The following DSCAM variants were observed in gnomAD, a reference collection of about 807,000 sequenced individuals.
DSCAM encodes the protein DS cell adhesion molecule.
DSCAM carries 47 observed loss-of-function variants against 217.7 expected under a neutral mutation model. That is an observed-to-expected ratio of 0.22 (90% CI 0.17 to 0.28). The LOEUF (loss-of-function observed/expected upper bound fraction) is 0.28, where lower values mean the gene tolerates loss of function less well. Among genes scored for constraint, DSCAM ranks in the 10% least tolerant of loss-of-function variants. The pLI, the probability that DSCAM is intolerant of heterozygous loss-of-function variation, is 1.00. For synonymous variants in DSCAM, 1,056 were observed against 1,015.3 expected (o/e 1.04, Z -0.76); for missense variants, 2,080 against 2,618.3 (o/e 0.79, Z 4.49).
At chr21:40,818,220 C>T (rs2091898701) in intron 1 of DSCAM, among the ~76,000 whole-genome samples, 1 of 151,536 alleles carries the variant, frequency 6.6e-6, no homozygotes, top group Non-Finnish European at 1.5e-5. Flanking sequence ...AGGCACCCCG[C>T]CCCCATGCGA....
intron 18 of DSCAM, among the ~76,000 whole-genome samples, chr21:40,137,438 T>C (rs1037595097): frequency 6.6e-6 from 1 of 152,090 alleles, no homozygotes; most frequent in Non-Finnish European, 1.5e-5. Flanking sequence ...AGATACTAGG[T>C]GACTAGCAGA....
intron 3 of DSCAM, among the ~76,000 whole-genome samples, chr21:40,581,168 C>T (rs996011533): frequency 6.6e-5 from 10 of 152,170 alleles, no homozygotes; most frequent in Admixed American, 3.9e-4. Flanking sequence ...ATCCTTTAAA[C>T]GAAGAAGCAT....
Position 40,087,307 on chromosome 21 carries a change from G to A in DSCAM, c.3851-20C>T. ...CAGGAGCTGAGGAACCAAACAAAGTGGAATCCTGATTACTCCACAGACGTG... is the reference window on the plus strand; with the variant it reads ...CAGGAGCTGAGGAACCAAACAAAGTAGAATCCTGATTACTCCACAGACGTG... On this transcript the variant is annotated intron_variant, in intron 21 of 32. Coordinates refer to ENST00000400454, the MANE Select transcript of DSCAM (RefSeq NM_001389.5). The A allele has an allele frequency of 6.3e-7, 1 of 1,586,044 alleles. No homozygotes were observed. The highest frequency in any genetic ancestry group is 8.7e-7 in the Non-Finnish European group (1 of 1,154,700).
At chr21:40,570,000 AC>A (rs1272590547) in intron 3 of DSCAM, among the ~76,000 whole-genome samples, 1 of 152,198 alleles carries the variant, frequency 6.6e-6, no homozygotes, top group Non-Finnish European at 1.5e-5. Flanking sequence ...GTGCAGGAGA[AC>A]TGAGGTGGAT....
intron 8 of DSCAM, among the ~76,000 whole-genome samples, chr21:40,334,184 A>T (rs756993310): frequency 4.6e-5 from 7 of 152,040 alleles, no homozygotes; most frequent in Non-Finnish European, 1.0e-4. Context: ...AACATCATCT[A>T]TTCACTGATG....
chr21:40,339,874 C>T (rs2074472494), intron 6 of DSCAM, among the ~76,000 whole-genome samples: 1 of 43,018 alleles, frequency 2.3e-5, no homozygotes, highest in African/African-American at 5.6e-5. Context: ...CCTAATACTT[C>T]CTCAAGTTAT....
intron 1 of DSCAM, among the ~76,000 whole-genome samples, chr21:40,769,524 G>C (rs2091426481): frequency 6.6e-6 from 1 of 152,214 alleles, no homozygotes; most frequent in South Asian, 2.1e-4. Flanking sequence ...AGCCCTTTCA[G>C]AGAGTCCCAA....
chr21:40,373,411 C>A (rs550095136), intron 3 of DSCAM, among the ~76,000 whole-genome samples: 1 of 152,174 alleles, frequency 6.6e-6, no homozygotes, highest in African/African-American at 2.4e-5. Context: ...CTCTAGGGAG[C>A]TTATAATCTA....
intron 3 of DSCAM, among the ~76,000 whole-genome samples, chr21:40,542,612 G>A (rs2076550784): frequency 1.3e-5 from 2 of 152,316 alleles, no homozygotes; most frequent in South Asian, 4.1e-4. Context: ...AGAAGGCACT[G>A]TCTGGGAAGC....
chr21:40,829,650 G>A (rs942924375), intron 1 of DSCAM, among the ~76,000 whole-genome samples: 2 of 152,322 alleles, frequency 1.3e-5, no homozygotes, highest in East Asian at 1.9e-4. Context: ...TGATGGTATC[G>A]AGATCACTAC....
At chr21:40,214,873 T>C (rs1327113412) in intron 11 of DSCAM, among the ~76,000 whole-genome samples, 1 of 152,012 alleles carries the variant, frequency 6.6e-6, no homozygotes, top group Non-Finnish European at 1.5e-5. Context: ...TCCTAAGTTC[T>C]TGAAGCAATC....
chr21:40,703,498 GAC>G (rs1206878308), intron 2 of DSCAM, among the ~76,000 whole-genome samples: 1 of 152,040 alleles, frequency 6.6e-6, no homozygotes, highest in African/African-American at 2.4e-5. Flanking sequence ...CAGCCTGGTT[GAC>G]AGAGCAAGGC....
At chr21:40,302,566 T>G (rs1292340571) in intron 9 of DSCAM, among the ~76,000 whole-genome samples, 1 of 152,120 alleles carries the variant, frequency 6.6e-6, no homozygotes, top group Non-Finnish European at 1.5e-5. Flanking sequence ...AAGAGATGAA[T>G]AGGTTCAACT....
At chr21:40,354,476 T>G (rs1157669835) in intron 4 of DSCAM, among the ~76,000 whole-genome samples, 3 of 152,108 alleles carry the variant, frequency 2.0e-5, no homozygotes, top group African/African-American at 7.2e-5. Flanking sequence ...CAAGTGATCC[T>G]CCTGCCTGGG....
chr21:40,144,853 G>C lies in DSCAM; in HGVS notation c.3019-122C>G. 7.1e-7 allele frequency: 1 copy of C among 1,407,752 alleles called. No individual in the cohort carries two copies. The highest frequency in any genetic ancestry group is 9.6e-7 in the Non-Finnish European group (1 of 1,038,790). 87.2% of individuals were successfully genotyped at this position (1,407,752 alleles called of 1,614,324 possible). On this transcript the variant is annotated intron_variant, in intron 16 of 32. Coordinates refer to ENST00000400454, the MANE Select transcript of DSCAM (RefSeq NM_001389.5). The surrounding 1 kb of genome is among the most constrained non-coding windows in gnomAD (Gnocchi z 4.8). ...GAGTCATCGCCACGATGCTGGGGCG[G>C]TGGTCCGGTAGCAGCCGCAAACCCA...
chr21:40,753,805 A>G (rs1392602529), intron 1 of DSCAM, among the ~76,000 whole-genome samples: 1 of 152,194 alleles, frequency 6.6e-6, no homozygotes, highest in Non-Finnish European at 1.5e-5. Flanking sequence ...TAAAAAGCAA[A>G]AAATGAAGTT....
intron 8 of DSCAM, among the ~76,000 whole-genome samples, chr21:40,325,066 C>T (rs913366258): frequency 1.3e-5 from 2 of 152,094 alleles, no homozygotes; most frequent in Admixed American, 1.3e-4. Context: ...AGATTATTTG[C>T]TTGAGAAGTA....
intron 32 of DSCAM, among the ~76,000 whole-genome samples, chr21:40,023,075 A>G (rs2146426610): frequency 7.6e-6 from 1 of 131,490 alleles, no homozygotes; most frequent in South Asian, 2.4e-4. Context: ...TCCTGTGTCC[A>G]TGTGATCTCA....
chr21:40,773,629 T>G (rs963470405), intron 1 of DSCAM, among the ~76,000 whole-genome samples: 2 of 152,158 alleles, frequency 1.3e-5, no homozygotes, highest in African/African-American at 4.8e-5. Context: ...ACCTAACACA[T>G]TTCAGCAAAG....
Sources: gnomAD v4.1 joint callset for allele counts (sites outside exome capture counted in the v4.1 genomes callset) on GRCh38, gnomAD v4.1.1 for gene constraint, Gnocchi (gnomAD v3.1) non-coding constraint, MANE v1.5 for transcripts, NCBI Gene and HGNC (gene_info 2026-07-23, HGNC 2026-07-21) for gene names.